The following DGLUCY variants were observed in gnomAD, a reference collection of about 807,000 sequenced individuals.
DGLUCY encodes the protein D-glutamate cyclase.
In DGLUCY, 58 loss-of-function variants were observed where a neutral mutation model predicts 58.5. That is an observed-to-expected ratio of 0.99 (90% CI 0.80 to 1.23). The LOEUF (loss-of-function observed/expected upper bound fraction) is 1.23, where lower values mean the gene tolerates loss of function less well. Ranked by LOEUF, DGLUCY falls within the 50% of genes most tolerant of loss-of-function variation. DGLUCY has a pLI of 0.00. For synonymous variants in DGLUCY, 325 were observed against 314.1 expected (o/e 1.03, Z -0.37); for missense variants, 779 against 784.7 (o/e 0.99, Z 0.09).
chr14:91,162,098 A>G (rs1171936406), intron 3 of DGLUCY, among the ~76,000 whole-genome samples: 1 of 151,954 alleles, frequency 6.6e-6, no homozygotes, highest in Non-Finnish European at 1.5e-5. Context: ...CACCTACACA[A>G]TGAAAGTAGC....
intron 1 of DGLUCY, among the ~76,000 whole-genome samples, chr14:91,122,905 C>T (rs1451674675): frequency 6.6e-6 from 1 of 152,158 alleles, no homozygotes; most frequent in East Asian, 1.9e-4. Flanking sequence ...CGGTGCTTGG[C>T]TAGTTCTTTC....
chr14:91,123,158 TGAGTACCTG>T (rs1175850116), intron 1 of DGLUCY, among the ~76,000 whole-genome samples: 1 of 152,164 alleles, frequency 6.6e-6, no homozygotes, highest in Non-Finnish European at 1.5e-5. Flanking sequence ...TGAAGTATCA[TGAGTACCTG>T]GATCATCACA....
intron 1 of DGLUCY, among the ~76,000 whole-genome samples, chr14:91,102,898 A>G (rs1311729434): frequency 6.6e-6 from 1 of 151,736 alleles, no homozygotes; most frequent in African/African-American, 2.4e-5. Flanking sequence ...AGTAGCTGGG[A>G]TTGCAGGTAC....
intron 6 of DGLUCY, 121 bp downstream of exon 6, chr14:91,173,560 C>T (rs1293364690): frequency 1.5e-6 from 2 of 1,321,584 alleles, no homozygotes; most frequent in Non-Finnish European, 2.0e-6. Context: ...GTGTCTCTCG[C>T]TCCTGCCCAT....
chr14:91,173,253 A>T, intron 5 of DGLUCY, 36 bp from the exon 6 acceptor site: 1 of 1,610,462 alleles, frequency 6.2e-7, no homozygotes, highest in South Asian at 1.1e-5. Context: ...TCCATTTTTT[A>T]ACATTTTCAC....
At chr14:91,195,540 G>A (rs767016605) in intron 9 of DGLUCY, among the ~76,000 whole-genome samples, 2 of 152,108 alleles carry the variant, frequency 1.3e-5, no homozygotes, top group Non-Finnish European at 2.9e-5. Context: ...GGGAGTGGGT[G>A]AGAATTTGGG....
intron 1 of DGLUCY, among the ~76,000 whole-genome samples, chr14:91,094,924 C>G (rs1373893216): frequency 2.6e-5 from 4 of 152,014 alleles, no homozygotes; most frequent in African/African-American, 4.8e-5. Flanking sequence ...TAAGGATATA[C>G]CACTTTGTAA....
intron 1 of DGLUCY, among the ~76,000 whole-genome samples, chr14:91,091,526 G>A (rs545253918): frequency 1.0e-3 from 153 of 152,064 alleles, no homozygotes; most frequent in African/African-American, 3.5e-3. Context: ...ATAAATAAAT[G>A]AAATAAAAAT....
chr14:91,123,750 C>T (rs996909251), intron 1 of DGLUCY, among the ~76,000 whole-genome samples: 1 of 152,020 alleles, frequency 6.6e-6, no homozygotes, highest in Non-Finnish European at 1.5e-5. Context: ...CCACAGCCAG[C>T]TGATTTTTTG....
intron 1 of DGLUCY, among the ~76,000 whole-genome samples, chr14:91,132,951 G>A (rs1247497602): frequency 6.6e-6 from 1 of 151,880 alleles, no homozygotes; most frequent in Non-Finnish European, 1.5e-5. Flanking sequence ...TACTTATAAT[G>A]TCTTTCATGT....
upstream of DGLUCY, among the ~76,000 whole-genome samples, chr14:91,105,854 A>T (rs960273906): frequency 1.3e-5 from 2 of 152,214 alleles, no homozygotes; most frequent in Admixed American, 6.5e-5. Context: ...GCTACGACAC[A>T]TCTAGGCTAT....
intron 8 of DGLUCY, among the ~76,000 whole-genome samples, chr14:91,184,418 G>T (rs1443037482): frequency 6.6e-6 from 1 of 151,392 alleles, no homozygotes; most frequent in Non-Finnish European, 1.5e-5. Flanking sequence ...AGGTGTGGTG[G>T]TGTCAAACGC....
At chr14:91,185,644 T>C (rs1271789530) in intron 8 of DGLUCY, 5 of 150,896 alleles carry the variant, frequency 3.3e-5, no homozygotes, top group Non-Finnish European at 7.4e-5. Context: ...AGCTGATGGC[T>C]CTCCATTTAG....
At chr14:91,223,562 C>A in intron 13 of DGLUCY, 1 of 707,794 alleles carries the variant, frequency 1.4e-6, no homozygotes, top group Non-Finnish European at 2.1e-6. Context: ...GGAACCTGAG[C>A]TGTTCACTAG....
At chr14:91,109,112 CTCTT>C (rs1305735266), upstream of DGLUCY, among the ~76,000 whole-genome samples, 2 of 152,186 alleles carry the variant, frequency 1.3e-5, no homozygotes, top group African/African-American at 2.4e-5. Context: ...GGCCTCGTGC[CTCTT>C]TCTGTTTTTA....
chr14:91,185,737 T>C (rs76413701), intron 8 of DGLUCY, among the ~76,000 whole-genome samples: 3,552 of 151,918 alleles, frequency 0.023, 140 homozygotes, highest in African/African-American at 0.08. Context: ...GAAGTAAATT[T>C]ATTGCAGATG....
At chr14:91,204,606 G>A in intron 11 of DGLUCY, 100 bp from the exon 12 acceptor site, 1 of 1,472,598 alleles carries the variant, frequency 6.8e-7, no homozygotes, top group Non-Finnish European at 9.1e-7. Context: ...CAACCTTTTT[G>A]CCCTCCCAAA....
chr14:91,167,329 G>A lies in DGLUCY; in HGVS notation c.208G>A (p.Glu70Lys), dbSNP rs780721716. Residue 70 changes from glutamate (E) to lysine (K), a missense_variant, in exon 4 of 14, where the codon GAG becomes AAG. Coordinates refer to ENST00000256324, the MANE Select transcript of DGLUCY (RefSeq NM_001102368.3). ...TGPLPLLGQSEPEKWMLPPQG... is the reference protein window; with the variant it reads ...TGPLPLLGQSKPEKWMLPPQG... Reference sequence around the variant, plus strand: ...TCCTCTACCCCTGCTGGGCCAGAGTGAGCCAGAAAAGTGGATGCTGCCCCC... The same window carrying A: ...TCCTCTACCCCTGCTGGGCCAGAGTAAGCCAGAAAAGTGGATGCTGCCCCC... 6 of 1,614,042 alleles carry A rather than the reference G, an allele frequency of 3.7e-6. No homozygotes were observed. In the South Asian group the frequency reaches 6.6e-5, roughly 18 times the overall value.
chr14:91,217,370 G>A (rs1886701747), intron 13 of DGLUCY, among the ~76,000 whole-genome samples: 1 of 152,124 alleles, frequency 6.6e-6, no homozygotes. Flanking sequence ...CACTGAGCCT[G>A]CAGAAGAGCC....
Sources: allele counts gnomAD v4.1 joint callset (sites outside exome capture counted in the v4.1 genomes callset), GRCh38; gene constraint gnomAD v4.1.1; transcripts MANE v1.5; gene names NCBI Gene and HGNC (gene_info 2026-07-23, HGNC 2026-07-21).